Variants in PAX5 observed in about 807,000 individuals in gnomAD.
PAX5 encodes the protein paired box protein Pax-5.
Under a neutral mutation model 43.7 loss-of-function variants are expected in PAX5, and 9 were observed. That is an observed-to-expected ratio of 0.21 (90% CI 0.12 to 0.36). PAX5 has a LOEUF of 0.36. Ranked by LOEUF, PAX5 falls within the 10% of genes least tolerant of loss-of-function variation. The pLI is 1.00. For missense variants in PAX5, 383 were observed against 532.7 expected (o/e 0.72, Z 2.77); for synonymous variants, 228 against 214.3 (o/e 1.06, Z -0.56).
chr9:37,004,047 A>C (rs1838170527), intron 4 of PAX5, among the ~76,000 whole-genome samples: 1 of 152,274 alleles, frequency 6.6e-6, no homozygotes, highest in South Asian at 2.1e-4. Context: ...CTGAGGCTCC[A>C]CAGGGAAAGT....
chr9:37,019,490 T>G (rs1396784659), intron 2 of PAX5, among the ~76,000 whole-genome samples: 1 of 152,160 alleles, frequency 6.6e-6, no homozygotes, highest in Non-Finnish European at 1.5e-5. Context: ...TTTCTTCCCT[T>G]GGCCTCAAAC....
intron 5 of PAX5, among the ~76,000 whole-genome samples, chr9:36,987,636 C>T (rs1488968554): frequency 6.6e-6 from 1 of 152,210 alleles, no homozygotes; most frequent in African/African-American, 2.4e-5. Flanking sequence ...AGGCTCTGCT[C>T]GTTCCCTCTC....
chr9:37,020,436 C>T (rs1366105740), intron 2 of PAX5, among the ~76,000 whole-genome samples, 200 bp downstream of exon 2: 2 of 152,162 alleles, frequency 1.3e-5, no homozygotes, highest in Non-Finnish European at 2.9e-5. Context: ...GACTAAGTCA[C>T]CCTATTCCAC....
chr9:36,981,192 C>T (rs575768896), intron 5 of PAX5, among the ~76,000 whole-genome samples: 5 of 149,780 alleles, frequency 3.3e-5, no homozygotes, highest in African/African-American at 5.0e-5. Flanking sequence ...AAAGCCCCCC[C>T]CCCCTCAGCC....
chr9:36,843,805 G>T (rs528181689), intron 9 of PAX5, among the ~76,000 whole-genome samples: 17 of 152,348 alleles, frequency 1.1e-4, no homozygotes, highest in African/African-American at 4.1e-4. Context: ...TCCATCTGTT[G>T]GGAGTGGGTG....
intron 2 of PAX5, among the ~76,000 whole-genome samples, chr9:37,019,171 A>T (rs1839650604): frequency 6.6e-6 from 1 of 150,760 alleles, no homozygotes. Flanking sequence ...ATCTCTTTCT[A>T]TTTCTCTGCC....
In PAX5 at chr9:36,837,361, A is replaced by G. The variant is rs1450797770; in HGVS notation, c.*3199T>C. 1 of 233,186 alleles carries G rather than the reference A, an allele frequency of 4.3e-6. No individual in the cohort carries two copies. The highest frequency in any genetic ancestry group is 5.6e-5 in the Admixed American group (1 of 17,784). The allele number at this position is 233,186 out of a possible 1,614,324, so 14.4% of individuals were successfully genotyped here. ...GGGAAAGGGATGTTGGGTTTGATAT[A>G]TCATCCAATTTTTCTAGGTTGGAGC... On this transcript the variant is annotated 3_prime_UTR_variant, in exon 10 of 10. Transcript: ENST00000358127.
Position 36,923,468 on chromosome 9 carries a change from G to A in PAX5, c.797C>T (p.Ala266Val), listed in dbSNP as rs2131969546. 6.2e-7 allele frequency: 1 copy of A among 1,610,758 alleles called. No individual in the cohort carries two copies. ...CAGCCCACCAGCCAGCGAGGCCATG[G>A]CTGAATACTCTGTGGTCTGAAAGAA... The part of the protein sequence containing the change: ...IKPEQTTEYS[A>V]MASLAGGLDD... Residue 266 changes from alanine (A) to valine (V), a missense_variant, in exon 7 of 10, where the codon GCC (alanine) becomes GTC (valine). Physicochemically the swap from Ala to Val is moderately conservative, Grantham distance 64. This residue lies in a region of PAX5 where 291 missense variants were observed against 342.5 expected (regional missense o/e 0.85). Coordinates refer to ENST00000358127, the MANE Select transcript of PAX5 (RefSeq NM_016734.3).
Position 37,003,165 on chromosome 9 carries a change from A to C in PAX5, c.476-389T>G, listed in dbSNP as rs201574549. On this transcript the variant is annotated intron_variant, in intron 4 of 9. Coordinates refer to ENST00000358127, the MANE Select transcript of PAX5 (RefSeq NM_016734.3). ...CAACAGTCAGTGCTTAAAAAAAAAA[A>C]AAAAAAAAAAAAAAAACCTGAACTA... is the stretch of plus-strand genomic sequence containing the variant. Among the ~76,000 whole-genome samples the C allele has an allele frequency of 4.9e-4, 73 of 150,232 alleles. No homozygotes were observed. In the East Asian group the frequency reaches 0.014, roughly 29 times the overall value.
intron 6 of PAX5, among the ~76,000 whole-genome samples, chr9:36,925,221 G>A (rs1420364697): frequency 6.6e-6 from 1 of 152,170 alleles, no homozygotes; most frequent in Non-Finnish European, 1.5e-5. Context: ...GGTGCTGCAG[G>A]CCCAGGCTCT....
chr9:36,978,711 T>G (rs946154807), intron 5 of PAX5, among the ~76,000 whole-genome samples: 4 of 152,164 alleles, frequency 2.6e-5, no homozygotes, highest in African/African-American at 7.2e-5. Context: ...AAGATGGGTA[T>G]GGGTTTTGTC....
intron 7 of PAX5, among the ~76,000 whole-genome samples, chr9:36,890,209 TGAGA>T (rs1360198441): frequency 6.7e-6 from 1 of 150,096 alleles, no homozygotes; most frequent in Non-Finnish European, 1.5e-5. Flanking sequence ...TGTGTGTGAG[TGAGA>T]GAAAGAAGGA....
At chr9:36,909,175 A>T (rs910333164) in intron 7 of PAX5, among the ~76,000 whole-genome samples, 6 of 152,202 alleles carry the variant, frequency 3.9e-5, no homozygotes, top group African/African-American at 1.4e-4. Flanking sequence ...GTGAAAAAGC[A>T]AATACTTCAA....
intron 3 of PAX5, among the ~76,000 whole-genome samples, chr9:37,012,054 C>T (rs1225497764): frequency 6.6e-6 from 1 of 152,168 alleles, no homozygotes. Context: ...TTGTCCTACA[C>T]TTAGTGAGCT....
intron 5 of PAX5, among the ~76,000 whole-genome samples, chr9:37,001,344 A>C (rs547326677): frequency 6.6e-6 from 1 of 152,172 alleles, no homozygotes; most frequent in African/African-American, 2.4e-5. Flanking sequence ...AAATACATCC[A>C]GGCCCCAGCT....
chr9:37,026,925 C>T (rs1327167560), intron 1 of PAX5, among the ~76,000 whole-genome samples: 1 of 152,218 alleles, frequency 6.6e-6, no homozygotes, highest in Non-Finnish European at 1.5e-5. Context: ...GCCTCCGGGA[C>T]AGCCAGCAGC....
intron 1 of PAX5, 34 bp from the exon 2 acceptor site, chr9:37,020,835 G>A (rs1430631678): frequency 2.5e-6 from 4 of 1,610,834 alleles, no homozygotes; most frequent in African/African-American, 1.3e-5. Flanking sequence ...GAAAGGGAAA[G>A]GGTAGTTAGA....
At chr9:37,009,495 G>A (rs994784362) in intron 3 of PAX5, among the ~76,000 whole-genome samples, 12 of 152,264 alleles carry the variant, frequency 7.9e-5, no homozygotes, top group South Asian at 4.1e-4. Context: ...ACTAGCTTCC[G>A]TCTTAAAATA....
chr9:37,020,969 C>T (rs1839801721), intron 1 of PAX5, among the ~76,000 whole-genome samples, 168 bp from the exon 2 acceptor site: 1 of 152,224 alleles, frequency 6.6e-6, no homozygotes, highest in African/African-American at 2.4e-5. Context: ...CCCCAGATTG[C>T]TTTTTAAAAT....
Sources: gnomAD v4.1 joint callset for allele counts (sites outside exome capture counted in the v4.1 genomes callset) on GRCh38, gnomAD v4.1.1 for gene constraint, gnomAD v4.1.1 regional missense constraint, MANE v1.5 for transcripts, NCBI Gene and HGNC (gene_info 2026-07-23, HGNC 2026-07-21) for gene names.